The following THSD4 variants were observed in gnomAD, a reference collection of about 807,000 sequenced individuals.
THSD4 encodes thrombospondin type-1 domain-containing protein 4.
THSD4 carries 69 observed loss-of-function variants against 119.0 expected under a neutral mutation model. The observed-to-expected ratio is 0.58, with a 90% CI of 0.48 to 0.71. THSD4 has a LOEUF of 0.71. Ranked by LOEUF, THSD4 falls within the 30% of genes least tolerant of loss-of-function variation. The pLI, the probability that THSD4 is intolerant of heterozygous loss-of-function variation, is 0.00. For synonymous variants in THSD4, 524 were observed against 540.4 expected, an observed-to-expected ratio of 0.97 and a Z score of 0.42; for missense variants, 1,393 against 1,391.1, an observed-to-expected ratio of 1.00 and a Z score of -0.02.
chr15:71,771,323 A>C (rs980288751), intron 17 of THSD4, 115 bp downstream of exon 17: 3 of 1,341,190 alleles, frequency 2.2e-6, no homozygotes, highest in East Asian at 4.6e-5. Context: ...GCACACAGTC[A>C]TGGAGTTCAG....
intron 15 of THSD4, among the ~76,000 whole-genome samples, chr15:71,761,208 A>G (rs1422239373): frequency 1.3e-5 from 2 of 151,782 alleles, no homozygotes; most frequent in East Asian, 1.9e-4. Flanking sequence ...CCCCTCCAAC[A>G]TTTTGGAAGT....
chr15:71,758,001 C>T lies in THSD4; in HGVS notation c.2515C>T (p.Pro839Ser), dbSNP rs767338539. 1 of 1,613,768 alleles carries T rather than the reference C, an allele frequency of 6.2e-7. No individual in the cohort carries two copies. The highest frequency in any genetic ancestry group is 8.5e-7 in the Non-Finnish European group (1 of 1,179,878). ...LPLEGCGNNR[P>S]AEATPCDNGP... ...CCTGGAGGGCTGTGGGAACAACCGGCCGGCAGAGGCCACCCCATGTGACAA... is the reference window on the plus strand; with the variant it reads ...CCTGGAGGGCTGTGGGAACAACCGGTCGGCAGAGGCCACCCCATGTGACAA... The change falls in exon 15 of 18, where the codon CCG (proline) becomes TCG (serine). Residue 839 changes from proline (P) to serine (S), a missense_variant. Transcript: ENST00000261862.
At chr15:71,371,610 A>G (rs1320026410) in intron 6 of THSD4, among the ~76,000 whole-genome samples, 1 of 152,206 alleles carries the variant, frequency 6.6e-6, no homozygotes, top group Non-Finnish European at 1.5e-5. Context: ...ATGGACCCCC[A>G]CTGACTTCTG....
intron 6 of THSD4, among the ~76,000 whole-genome samples, chr15:71,370,067 G>A (rs2140433904): frequency 6.6e-6 from 1 of 152,044 alleles, no homozygotes; most frequent in East Asian, 1.9e-4. Flanking sequence ...GTTTTTTTGT[G>A]TAGAGGTGTT....
chr15:71,546,302 T>C (rs1032067846), intron 7 of THSD4, among the ~76,000 whole-genome samples: 7 of 152,106 alleles, frequency 4.6e-5, no homozygotes, highest in Non-Finnish European at 8.8e-5. Flanking sequence ...AGCCTCAGAA[T>C]AGCACCTTGA....
intron 4 of THSD4, among the ~76,000 whole-genome samples, chr15:71,217,316 T>G (rs971258167): frequency 1.3e-5 from 2 of 152,104 alleles, no homozygotes; most frequent in Admixed American, 6.5e-5. Context: ...TAGCCTGATA[T>G]CGGTTAAGAT....
intron 4 of THSD4, among the ~76,000 whole-genome samples, chr15:71,228,092 A>G (rs1238178291): frequency 6.6e-6 from 1 of 152,140 alleles, no homozygotes; most frequent in Non-Finnish European, 1.5e-5. Flanking sequence ...CTTATTTGGA[A>G]AAAGGGTCTT....
chr15:71,191,054 T>G (rs2043667774), intron 3 of THSD4, among the ~76,000 whole-genome samples: 1 of 152,178 alleles, frequency 6.6e-6, no homozygotes, highest in African/African-American at 2.4e-5. Flanking sequence ...TGTTGATCAC[T>G]CTCTCTGTTC....
At chr15:71,360,129 T>C (rs2045872941) in intron 6 of THSD4, among the ~76,000 whole-genome samples, 2 of 152,180 alleles carry the variant, frequency 1.3e-5, no homozygotes, top group Non-Finnish European at 2.9e-5. Flanking sequence ...CTCACTTATC[T>C]GGCACGTGGG....
chr15:71,777,266 C>A lies in THSD4; in HGVS notation c.2949C>A (p.Asn983Lys). 5 of 1,614,238 alleles carry A rather than the reference C, an allele frequency of 3.1e-6. No individual in the cohort carries two copies. The highest frequency in any genetic ancestry group is 4.2e-6 in the Non-Finnish European group (5 of 1,180,042). The change falls in exon 18 of 18, where the codon AAC becomes AAA. Residue 983 changes from asparagine (N) to lysine (K), a missense_variant. Coordinates refer to ENST00000261862, the MANE Select transcript of THSD4 (RefSeq NM_024817.3). ...GCAAGGACAAGTACTACAACTGCAA[C>A]GTGGTGGTCCAGGCAAGACTCTGTG... ...ENCKDKYYNCNVVVQARLCVY... is the reference protein window; with the variant it reads ...ENCKDKYYNCKVVVQARLCVY...
chr15:71,391,974 C>T (rs2046384761), intron 6 of THSD4, among the ~76,000 whole-genome samples: 1 of 152,108 alleles, frequency 6.6e-6, no homozygotes, highest in Non-Finnish European at 1.5e-5. Flanking sequence ...GAAATGCAGC[C>T]AAAATGCCGT....
intron 11 of THSD4, among the ~76,000 whole-genome samples, chr15:71,743,306 C>T (rs967123645): frequency 6.6e-5 from 10 of 152,148 alleles, no homozygotes; most frequent in Non-Finnish European, 1.5e-4. Context: ...TATTTGAGTG[C>T]CAAGTGGTTG....
intron 14 of THSD4, among the ~76,000 whole-genome samples, chr15:71,755,472 T>G (rs2053521124): frequency 6.6e-6 from 1 of 152,038 alleles, no homozygotes; most frequent in Non-Finnish European, 1.5e-5. Context: ...ACTCAAACAT[T>G]GACTCTATTT....
chr15:71,433,285 A>G (rs1046601061), intron 7 of THSD4, among the ~76,000 whole-genome samples: 1 of 150,842 alleles, frequency 6.6e-6, no homozygotes, highest in African/African-American at 2.4e-5. Context: ...CTATTATTTA[A>G]CATAACATGA....
intron 17 of THSD4, among the ~76,000 whole-genome samples, chr15:71,774,117 G>A (rs2053870731): frequency 1.3e-5 from 2 of 152,104 alleles, no homozygotes; most frequent in Admixed American, 1.3e-4. Flanking sequence ...TTTGAGACCA[G>A]CCTGGGCAAC....
intron 7 of THSD4, among the ~76,000 whole-genome samples, chr15:71,524,368 T>C (rs1254547722): frequency 1.3e-5 from 2 of 152,202 alleles, no homozygotes; most frequent in African/African-American, 4.8e-5. Context: ...GGTACCTTCT[T>C]GACAGTAGAA....
intron 6 of THSD4, among the ~76,000 whole-genome samples, chr15:71,292,675 ATTTTTTT>A (rs36103838): frequency 3.1e-5 from 4 of 130,610 alleles, no homozygotes; most frequent in Non-Finnish European, 4.9e-5. Context: ...ATATAACAGG[ATTTTTTT>A]TTTTTTTTTT....
chr15:71,344,354 C>T (rs1257166604), intron 6 of THSD4, among the ~76,000 whole-genome samples: 1 of 152,126 alleles, frequency 6.6e-6, no homozygotes, highest in African/African-American at 2.4e-5. Context: ...AGCCAGGATT[C>T]TTAATAACAT....
chr15:71,665,257 T>A (rs1211120987), intron 8 of THSD4, among the ~76,000 whole-genome samples: 3 of 152,212 alleles, frequency 2.0e-5, no homozygotes, highest in African/African-American at 7.2e-5. Flanking sequence ...GATATTGAGC[T>A]TTTTTGCATA....
Sources: allele counts gnomAD v4.1 joint callset (sites outside exome capture counted in the v4.1 genomes callset), GRCh38; gene constraint gnomAD v4.1.1; transcripts MANE v1.5; gene names NCBI Gene and HGNC (gene_info 2026-07-23, HGNC 2026-07-21).